The following RBFOX1 variants were observed in gnomAD, a reference collection of about 807,000 sequenced individuals.
RBFOX1 encodes the protein RNA binding fox-1 homolog 1, also known as RNA binding protein fox-1 homolog 1.
RBFOX1 carries 8 observed loss-of-function variants against 57.7 expected under a neutral mutation model. The observed-to-expected ratio is 0.14, with a 90% CI of 0.08 to 0.25. The LOEUF (loss-of-function observed/expected upper bound fraction) is 0.25. Ranked by LOEUF, RBFOX1 falls within the 10% of genes least tolerant of loss-of-function variation. RBFOX1 has a pLI of 1.00. For synonymous variants in RBFOX1, 326 were observed against 222.4 expected, an observed-to-expected ratio of 1.47 and a Z score of -4.15; for missense variants, 611 against 548.5, an observed-to-expected ratio of 1.11 and a Z score of -1.14.
At chr16:6,855,481 C>T (rs903459540) in intron 3 of RBFOX1, among the ~76,000 whole-genome samples, 4 of 151,914 alleles carry the variant, frequency 2.6e-5, no homozygotes, top group Admixed American at 1.3e-4. Flanking sequence ...GAAACCCCGT[C>T]TCTACTAAAA....
At chr16:7,297,446 T>G (rs2095919547) in intron 4 of RBFOX1, among the ~76,000 whole-genome samples, 1 of 152,162 alleles carries the variant, frequency 6.6e-6, no homozygotes, top group African/African-American at 2.4e-5. Flanking sequence ...ATTTCTGACA[T>G]TGTCCCTAAG....
chr16:7,200,295 A>G (rs2088000940), intron 4 of RBFOX1, among the ~76,000 whole-genome samples: 1 of 152,184 alleles, frequency 6.6e-6, no homozygotes, highest in Admixed American at 6.5e-5. Context: ...AGTGGAGTGG[A>G]GAAGTGAATA....
chr16:7,047,938 G>C (rs964773766), intron 3 of RBFOX1, among the ~76,000 whole-genome samples: 76 of 151,698 alleles, frequency 5.0e-4, no homozygotes, highest in African/African-American at 1.8e-3. Context: ...GAGTGCAGTG[G>C]TGCAGTCTTT....
intron 1 of RBFOX1, among the ~76,000 whole-genome samples, chr16:6,195,422 A>C (rs931954510): frequency 6.6e-6 from 1 of 152,108 alleles, no homozygotes. Flanking sequence ...GATGCTCGTT[A>C]GGTTTGTAGA....
chr16:5,900,715 C>T (rs1169708265), intron 4 of RBFOX1, among the ~76,000 whole-genome samples: 2 of 152,086 alleles, frequency 1.3e-5, no homozygotes, highest in Non-Finnish European at 2.9e-5. Context: ...TTCTTGGGGA[C>T]CTGGCGGCCA....
At chr16:5,652,797 C>T (rs1352487070) in intron 3 of RBFOX1, among the ~76,000 whole-genome samples, 1 of 152,374 alleles carries the variant, frequency 6.6e-6, no homozygotes, top group African/African-American at 2.4e-5. Flanking sequence ...GATTACAGAT[C>T]TCCTTTTCCC....
intron 3 of RBFOX1, among the ~76,000 whole-genome samples, chr16:6,835,960 C>T (rs912301246): frequency 6.6e-6 from 1 of 151,996 alleles, no homozygotes; most frequent in African/African-American, 2.4e-5. Flanking sequence ...CATTCCCATT[C>T]CATCTGCCAA....
intron 1 of RBFOX1, 78 bp downstream of exon 1, chr16:6,020,070 G>C: frequency 1.5e-6 from 2 of 1,337,578 alleles, no homozygotes; most frequent in Non-Finnish European, 1.9e-6. Flanking sequence ...ATGGAGGGAA[G>C]CGCTAGGTCC....
chr16:5,625,963 G>A (rs888799054), intron 3 of RBFOX1, among the ~76,000 whole-genome samples: 1 of 152,080 alleles, frequency 6.6e-6, no homozygotes, highest in African/African-American at 2.4e-5. Flanking sequence ...TGCACCCTCC[G>A]CCTCCTGGGT....
chr16:7,266,222 G>A (rs1203250263), intron 4 of RBFOX1, among the ~76,000 whole-genome samples: 3 of 139,586 alleles, frequency 2.1e-5, no homozygotes, highest in Non-Finnish European at 4.8e-5. Context: ...TGACCCGGCC[G>A]CCTCGGCCTC....
At chr16:6,331,235 C>T (rs1466517949) in intron 2 of RBFOX1, among the ~76,000 whole-genome samples, 2 of 152,050 alleles carry the variant, frequency 1.3e-5, no homozygotes, top group East Asian at 3.9e-4. Context: ...TGGACGTGGT[C>T]AGGAGTTTGA....
chr16:7,685,165 C>T (rs2075788041), intron 14 of RBFOX1, among the ~76,000 whole-genome samples: 1 of 152,016 alleles, frequency 6.6e-6, no homozygotes, highest in Admixed American at 6.6e-5. Flanking sequence ...TGAGAAGCCC[C>T]ACTTTAGAGA....
intron 12 of RBFOX1, among the ~76,000 whole-genome samples, chr16:7,657,702 G>A (rs1272505918): frequency 2.0e-5 from 3 of 152,176 alleles, no homozygotes; most frequent in Admixed American, 1.3e-4. Flanking sequence ...TTATGAAGAG[G>A]CCCTTTTTTG....
At chr16:6,577,317 A>T (rs2097455025) in intron 2 of RBFOX1, 1 of 152,190 alleles carries the variant, frequency 6.6e-6, no homozygotes, top group African/African-American at 2.4e-5. Flanking sequence ...ATATCAGTGG[A>T]ATTTCCACTG....
At chr16:7,176,817 C>G (rs1220389446) in intron 4 of RBFOX1, among the ~76,000 whole-genome samples, 3 of 152,020 alleles carry the variant, frequency 2.0e-5, no homozygotes, top group Non-Finnish European at 4.4e-5. Context: ...CACAAAACAT[C>G]TGTGGTAATA....
At chr16:7,336,413 A>G (rs970075852) in intron 4 of RBFOX1, among the ~76,000 whole-genome samples, 2 of 152,232 alleles carry the variant, frequency 1.3e-5, no homozygotes, top group Non-Finnish European at 2.9e-5. Flanking sequence ...CATTTCATCC[A>G]GGTCTGACAG....
chr16:7,299,972 A>G (rs2095992145), intron 4 of RBFOX1, among the ~76,000 whole-genome samples: 1 of 152,242 alleles, frequency 6.6e-6, no homozygotes, highest in Non-Finnish European at 1.5e-5. Flanking sequence ...GACCATCTGT[A>G]TTAAACAAAT....
chr16:6,206,775 C>G (rs1400189081), intron 1 of RBFOX1, among the ~76,000 whole-genome samples: 1 of 152,174 alleles, frequency 6.6e-6, no homozygotes, highest in Non-Finnish European at 1.5e-5. Flanking sequence ...GCAGCAGGCT[C>G]TCCCTCCCTT....
At chr16:7,454,468 T>G (rs894539231) in intron 4 of RBFOX1, among the ~76,000 whole-genome samples, 1 of 152,196 alleles carries the variant, frequency 6.6e-6, no homozygotes, top group African/African-American at 2.4e-5. Context: ...TTCCATCATA[T>G]GTGTGTTATA....
Sources: gnomAD v4.1 joint callset for allele counts (sites outside exome capture counted in the v4.1 genomes callset) on GRCh38, gnomAD v4.1.1 for gene constraint, MANE v1.5 for transcripts, NCBI Gene and HGNC (gene_info 2026-07-23, HGNC 2026-07-21) for gene names.